IQANK1: variants seen among roughly 807,000 people sequenced by gnomAD.
IQANK1 encodes IQ motif and ankyrin repeat containing 1, also known as IQ motif and ankyrin repeat domain-containing protein 1.
In IQANK1, 30 loss-of-function variants were observed where a neutral mutation model predicts 22.6. The ratio of observed to expected loss-of-function variants is 1.33; its 90% confidence interval spans 0.99 to 1.80. The LOEUF is 1.80. Among genes scored for constraint, IQANK1 ranks in the 40% most tolerant of loss-of-function variants. IQANK1 has a pLI of 0.00. For missense variants in IQANK1, 275 were observed against 235.2 expected, an observed-to-expected ratio of 1.17 and a Z score of -1.11; for synonymous variants, 122 against 99.6, an observed-to-expected ratio of 1.23 and a Z score of -1.34.
At chr8:143,755,612 C>T (rs1205361441) in intron 3 of IQANK1, among the ~76,000 whole-genome samples, 15 of 152,186 alleles carry the variant, frequency 9.9e-5, no homozygotes, top group Admixed American at 7.9e-4. Flanking sequence ...GATCCTCCCG[C>T]CTTGGCCTCC....
intron 3 of IQANK1, among the ~76,000 whole-genome samples, chr8:143,746,598 C>T (rs527333068): frequency 2.6e-5 from 4 of 152,210 alleles, no homozygotes; most frequent in Non-Finnish European, 4.4e-5. Context: ...GTCCAGACTG[C>T]TCTTGAACTC....
chr8:143,773,046 C>T (rs556317309), intron 7 of IQANK1, among the ~76,000 whole-genome samples: 48 of 152,348 alleles, frequency 3.2e-4, no homozygotes, highest in Admixed American at 6.5e-4. Context: ...TGGCTCACAC[C>T]TGTAATCTCA....
Position 143,743,364 on chromosome 8 carries a change from A to G in IQANK1, c.175+3416A>G, listed in dbSNP as rs148006643. 6.4e-4 allele frequency among the ~76,000 whole-genome samples: 98 copies of G among 152,250 alleles called. 1 individual carries two copies. Among genetic ancestry groups the G allele is most frequent in the Middle Eastern group, 6.8e-3 (2 of 294 alleles). On this transcript the variant is annotated intron_variant, in intron 3 of 13. Coordinates refer to ENST00000527139, the MANE Select transcript of IQANK1 (RefSeq NM_001381874.1). ...GTGATCCTCCTGCCTCAGCCTGAGT[A>G]GCTGGGACTACAGGTGTGTGCTCCC...
Position 143,769,039 on chromosome 8 carries a change from A to C in IQANK1, c.176-2449A>C, listed in dbSNP as rs1004515043. 7.2e-5 allele frequency among the ~76,000 whole-genome samples: 11 copies of C among 152,050 alleles called. No individual in the cohort carries two copies. The East Asian group carries it at 2.1e-3, about 29-fold the overall frequency. Reference sequence around the variant, plus strand: ...ATTTAAATTTGAATTTCTCATATATACATATTCTATATGTATAATATAAAA... The same window carrying C: ...ATTTAAATTTGAATTTCTCATATATCCATATTCTATATGTATAATATAAAA... On this transcript the variant is annotated intron_variant, in intron 3 of 13. Transcript: ENST00000527139.
rs1818707595 is a variant in IQANK1 at position 143,735,416 on chromosome 8, C to A, written c.-4-434C>A. Among the ~76,000 whole-genome samples, 1 of 152,018 alleles carries A rather than the reference C, an allele frequency of 6.6e-6. No individual in the cohort carries two copies. The highest frequency in any genetic ancestry group is 1.5e-5 in the Non-Finnish European group (1 of 67,994). On this transcript the variant is annotated intron_variant, in intron 1 of 13. Coordinates refer to ENST00000527139, the MANE Select transcript of IQANK1 (RefSeq NM_001381874.1). The surrounding 1 kb of genome is among the most constrained non-coding windows in gnomAD (Gnocchi z 5.2). ...CCTTGGGTGGGCTGGGGAGCAGGCT[C>A]AGGGGTGGGCTGGCTTCCCAGGGCA...
intron 3 of IQANK1, among the ~76,000 whole-genome samples, chr8:143,748,913 ATC>A (rs1554627652): frequency 1.2e-5 from 1 of 81,508 alleles, no homozygotes; most frequent in Non-Finnish European, 2.5e-5. Flanking sequence ...ATACATATAT[ATC>A]TATATATAAA....
intron 3 of IQANK1, chr8:143,742,754 C>T (rs1309260862): frequency 4.4e-6 from 2 of 455,218 alleles, no homozygotes; most frequent in African/African-American, 2.0e-5. Context: ...CACACGGGAT[C>T]CTCCAACCAG....
intron 2 of IQANK1, among the ~76,000 whole-genome samples, chr8:143,737,800 C>T (rs1159545281): frequency 6.6e-6 from 1 of 152,230 alleles, no homozygotes; most frequent in African/African-American, 2.4e-5. Flanking sequence ...GCCATAGCTG[C>T]TCCTCCCGCC....
intron 7 of IQANK1, among the ~76,000 whole-genome samples, chr8:143,788,352 T>C (rs932165173): frequency 1.8e-4 from 28 of 152,276 alleles, no homozygotes; most frequent in African/African-American, 5.5e-4. Flanking sequence ...GCACAGGAAG[T>C]CAGGGACTCA....
intron 7 of IQANK1, among the ~76,000 whole-genome samples, chr8:143,773,308 A>AC (rs1247706744): frequency 0.016 from 2,181 of 134,430 alleles, 62 homozygotes; most frequent in African/African-American, 0.076. Context: ...CTCAAAAAAA[A>AC]AAAAAAAACA....
chr8:143,782,736 G>A (rs1261504307), intron 7 of IQANK1, among the ~76,000 whole-genome samples: 9 of 152,138 alleles, frequency 5.9e-5, no homozygotes, highest in South Asian at 4.2e-4. Context: ...TCGGTCTCCC[G>A]AAGAGCTGGG....
intron 8 of IQANK1, 42 bp from the exon 9 acceptor site, chr8:143,789,147 C>T (rs551063186): frequency 7.5e-6 from 3 of 400,838 alleles, no homozygotes; most frequent in African/African-American, 2.1e-5. Context: ...CTGGTGGGGG[C>T]GCTGGCGGAA....
chr8:143,765,891 A>G (rs1554629194), intron 3 of IQANK1, among the ~76,000 whole-genome samples: 1 of 152,190 alleles, frequency 6.6e-6, no homozygotes, highest in Admixed American at 6.5e-5. Flanking sequence ...TTTGGTTTTA[A>G]AAATAACACT....
chr8:143,760,136 G>T (rs910068393), intron 3 of IQANK1, among the ~76,000 whole-genome samples: 3 of 152,190 alleles, frequency 2.0e-5, no homozygotes, highest in Non-Finnish European at 2.9e-5. Context: ...TGTCGCCCTT[G>T]TCTGGAGCAC....
At chr8:143,789,294 G>A (rs1166149623) in intron 9 of IQANK1, 51 bp downstream of exon 9, 5 of 409,562 alleles carry the variant, frequency 1.2e-5, no homozygotes, top group African/African-American at 8.2e-5. Flanking sequence ...AGAGCCGGGT[G>A]GGGAGGAGGG....
At chr8:143,757,296 C>T (rs1425582345) in intron 3 of IQANK1, among the ~76,000 whole-genome samples, 4 of 151,644 alleles carry the variant, frequency 2.6e-5, no homozygotes, top group East Asian at 1.9e-4. Context: ...CAGATACGCC[C>T]GGTTTATAGT....
chr8:143,784,201 C>A (rs1819845466), intron 7 of IQANK1, among the ~76,000 whole-genome samples: 1 of 151,966 alleles, frequency 6.6e-6, no homozygotes, highest in South Asian at 2.1e-4. Flanking sequence ...AATCTCATGT[C>A]AAATTGTAAT....
At chr8:143,750,944 T>TTGTGTG (rs56002701) in intron 3 of IQANK1, among the ~76,000 whole-genome samples, 2,062 of 149,768 alleles carry the variant, frequency 0.014, 20 homozygotes, top group East Asian at 0.018. Context: ...CTGTCTTCTT[T>TTGTGTG]TGTGTGTGTG....
intron 2 of IQANK1, among the ~76,000 whole-genome samples, chr8:143,738,438 A>G (rs1323896938): frequency 7.2e-5 from 11 of 152,086 alleles, no homozygotes; most frequent in Non-Finnish European, 1.3e-4. Flanking sequence ...GGCTCTGCCT[A>G]TGGGCCTCAC....
Sources: allele counts gnomAD v4.1 joint callset (sites outside exome capture counted in the v4.1 genomes callset), GRCh38; gene constraint gnomAD v4.1.1; non-coding constraint Gnocchi (gnomAD v3.1); transcripts MANE v1.5; gene names NCBI Gene and HGNC (gene_info 2026-07-23, HGNC 2026-07-21).